The following SLC10A7 variants were observed in gnomAD, a reference collection of about 807,000 sequenced individuals.
SLC10A7 encodes solute carrier family 10 member 7, also known as sodium/bile acid cotransporter 7.
A neutral mutation model predicts 43.2 loss-of-function variants in SLC10A7; 29 were observed. The ratio of observed to expected loss-of-function variants is 0.67; its 90% CI spans 0.50 to 0.92. The LOEUF (loss-of-function observed/expected upper bound fraction) is 0.92, where lower values mean the gene tolerates loss of function less well. Ranked by LOEUF, SLC10A7 falls within the 40% of genes least tolerant of loss-of-function variation. SLC10A7 has a pLI of 0.00. For missense variants in SLC10A7, 295 were observed against 403.2 expected, an observed-to-expected ratio of 0.73 and a Z score of 2.30; for synonymous variants, 152 against 144.8, an observed-to-expected ratio of 1.05 and a Z score of -0.35.
intron 5 of SLC10A7, among the ~76,000 whole-genome samples, chr4:146,383,476 C>A (rs1357766193): frequency 1.3e-5 from 2 of 152,190 alleles, no homozygotes; most frequent in African/African-American, 2.4e-5. Context: ...ACCAAGTAAG[C>A]AATGGGAAAT....
At chr4:146,332,649 T>C (rs1375464111) in intron 5 of SLC10A7, among the ~76,000 whole-genome samples, 1 of 152,164 alleles carries the variant, frequency 6.6e-6, no homozygotes, top group African/African-American at 2.4e-5. Flanking sequence ...ATGCTTCCTG[T>C]ATAGCCTGCA....
intron 10 of SLC10A7, among the ~76,000 whole-genome samples, chr4:146,282,402 T>G (rs1729608606): frequency 6.6e-6 from 1 of 152,214 alleles, no homozygotes; most frequent in South Asian, 2.1e-4. Flanking sequence ...GTAATGATTC[T>G]TCATTCTCTT....
At chr4:146,352,386 C>G (rs1329186740) in intron 5 of SLC10A7, among the ~76,000 whole-genome samples, 1 of 59,146 alleles carries the variant, frequency 1.7e-5, no homozygotes, top group Non-Finnish European at 3.1e-5. Flanking sequence ...ATTCATAAAG[C>G]AAGTCCTGAG....
intron 5 of SLC10A7, among the ~76,000 whole-genome samples, chr4:146,395,677 T>A (rs1211838784): frequency 1.3e-5 from 2 of 152,170 alleles, no homozygotes; most frequent in Non-Finnish European, 2.9e-5. Context: ...TGCTTTTTAG[T>A]ATTAATATGT....
intron 5 of SLC10A7, among the ~76,000 whole-genome samples, chr4:146,331,510 T>A (rs972538510): frequency 3.3e-5 from 5 of 152,200 alleles, no homozygotes; most frequent in African/African-American, 9.6e-5. Context: ...TATTTCAGTA[T>A]GCTTTTCTAA....
chr4:146,286,660 A>T (rs1362793382), intron 9 of SLC10A7, among the ~76,000 whole-genome samples: 2 of 146,286 alleles, frequency 1.4e-5, no homozygotes, highest in African/African-American at 5.2e-5. Context: ...CCGTGTCTGG[A>T]GTGGTGAGAA....
chr4:146,338,975 A>G, intron 5 of SLC10A7, among the ~76,000 whole-genome samples: 1 of 151,964 alleles, frequency 6.6e-6, no homozygotes, highest in East Asian at 1.9e-4. Flanking sequence ...TTGAAAAAGC[A>G]AGGCAGAGAC....
chr4:146,453,261 G>A (rs1450835543), intron 4 of SLC10A7, among the ~76,000 whole-genome samples: 2 of 151,902 alleles, frequency 1.3e-5, no homozygotes, highest in Admixed American at 1.3e-4. Flanking sequence ...ACTGTTTTCT[G>A]GGTGCTAAAT....
chr4:146,334,994 A>G (rs1349525326), intron 5 of SLC10A7, among the ~76,000 whole-genome samples: 1 of 151,916 alleles, frequency 6.6e-6, no homozygotes, highest in Admixed American at 6.6e-5. Flanking sequence ...CACACTTTCA[A>G]GATGACAAGT....
chr4:146,323,079 G>A (rs539100786), intron 6 of SLC10A7, among the ~76,000 whole-genome samples: 1 of 152,142 alleles, frequency 6.6e-6, no homozygotes, highest in African/African-American at 2.4e-5. Flanking sequence ...GCTTTTTCTT[G>A]TAAATTTGTT....
intron 5 of SLC10A7, among the ~76,000 whole-genome samples, chr4:146,351,538 C>T (rs928947759): frequency 6.7e-6 from 1 of 149,850 alleles, no homozygotes; most frequent in African/African-American, 2.5e-5. Context: ...CAGAGAATGC[C>T]ACAAAGATAC....
At chr4:146,454,347 G>A (rs1429258662) in intron 4 of SLC10A7, among the ~76,000 whole-genome samples, 2 of 151,752 alleles carry the variant, frequency 1.3e-5, no homozygotes, top group Non-Finnish European at 2.9e-5. Context: ...TTAAGTGGGA[G>A]AGGCCATTAA....
chr4:146,355,866 A>G (rs1021636702), intron 5 of SLC10A7, among the ~76,000 whole-genome samples: 2 of 111,956 alleles, frequency 1.8e-5, no homozygotes, highest in Admixed American at 2.4e-4. Flanking sequence ...AGGAAGGGGA[A>G]TATCACACTC....
intron 7 of SLC10A7, among the ~76,000 whole-genome samples, chr4:146,297,963 G>A (rs965980671): frequency 1.3e-5 from 2 of 152,130 alleles, no homozygotes; most frequent in African/African-American, 4.8e-5. Flanking sequence ...GAGGCACAGA[G>A]AGTCAAGTCA....
At chr4:146,390,180 G>C (rs1333951277) in intron 5 of SLC10A7, among the ~76,000 whole-genome samples, 1 of 152,154 alleles carries the variant, frequency 6.6e-6, no homozygotes, top group African/African-American at 2.4e-5. Context: ...TTAGTTGTAA[G>C]TAAACCTGTT....
intron 5 of SLC10A7, among the ~76,000 whole-genome samples, chr4:146,394,948 A>C (rs1470497440): frequency 2.0e-5 from 3 of 152,184 alleles, no homozygotes; most frequent in African/African-American, 7.2e-5. Context: ...TTAAAAGGGA[A>C]TATTGTTCTC....
intron 5 of SLC10A7, among the ~76,000 whole-genome samples, chr4:146,374,659 C>T (rs1032738062): frequency 1.7e-5 from 2 of 116,038 alleles, no homozygotes; most frequent in Non-Finnish European, 3.7e-5. Flanking sequence ...CACACACACA[C>T]ACATATATAT....
intron 4 of SLC10A7, among the ~76,000 whole-genome samples, chr4:146,476,492 GGT>G (rs1261317469): frequency 6.6e-6 from 1 of 151,890 alleles, no homozygotes; most frequent in Non-Finnish European, 1.5e-5. Flanking sequence ...TGTGTGTGTT[GGT>G]GTGTGTGTGC....
At chr4:146,488,079 T>C (rs536117225) in intron 4 of SLC10A7, among the ~76,000 whole-genome samples, 1 of 152,106 alleles carries the variant, frequency 6.6e-6, no homozygotes, top group East Asian at 1.9e-4. Context: ...TAATCCCAGC[T>C]ACTTGTGACA....
Sources: allele counts gnomAD v4.1 joint callset (sites outside exome capture counted in the v4.1 genomes callset), GRCh38; gene constraint gnomAD v4.1.1; transcripts MANE v1.5; gene names NCBI Gene and HGNC (gene_info 2026-07-23, HGNC 2026-07-21).